Variants in XKR6 observed in about 807,000 individuals in gnomAD.
XKR6 encodes the protein XK related 6.
A neutral mutation model predicts 56.7 loss-of-function variants in XKR6; 22 were observed. The observed-to-expected ratio is 0.39, with a 90% CI of 0.28 to 0.55. The LOEUF (loss-of-function observed/expected upper bound fraction) is 0.55. Among genes scored for constraint, XKR6 ranks in the 20% least tolerant of loss-of-function variants. XKR6 has a pLI of 0.66. For missense variants in XKR6, 852 were observed against 889.0 expected (o/e 0.96, Z 0.53); for synonymous variants, 524 against 387.8 (o/e 1.35, Z -4.13).
At chr8:10,989,427 C>A (rs1323585124) in intron 1 of XKR6, among the ~76,000 whole-genome samples, 2 of 152,006 alleles carry the variant, frequency 1.3e-5, no homozygotes, top group Non-Finnish European at 2.9e-5. Flanking sequence ...CATATGAGAC[C>A]CGAGATGATT....
intron 1 of XKR6, chr8:11,123,863 G>C (rs1247144198): frequency 2.2e-6 from 1 of 456,258 alleles, no homozygotes; most frequent in Non-Finnish European, 4.4e-6. Flanking sequence ...GTCCCCACCT[G>C]GCACCTGCAC....
Position 11,201,564 on chromosome 8 carries a change from C to T in XKR6, c.-225G>A, listed in dbSNP as rs779329154. Among the ~76,000 whole-genome samples, 1 of 152,196 alleles carries T rather than the reference C, an allele frequency of 6.6e-6. No homozygotes were observed. Among genetic ancestry groups the T allele is most frequent in the African/African-American group, 2.4e-5 (1 of 41,534 alleles). On this transcript the variant is annotated 5_prime_UTR_variant, in exon 1 of 3. Transcript: ENST00000416569. ...CCCCAATCGCACGGCGCCCGCAGCTCCCCAGCCCTACCCTCCCGGCCAAGA... is the reference window on the plus strand; with the variant it reads ...CCCCAATCGCACGGCGCCCGCAGCTTCCCAGCCCTACCCTCCCGGCCAAGA...
chr8:11,003,272 C>G (rs1314345257), intron 1 of XKR6, among the ~76,000 whole-genome samples: 1 of 152,144 alleles, frequency 6.6e-6, no homozygotes, highest in Non-Finnish European at 1.5e-5. Flanking sequence ...ACATCATTGT[C>G]AACACCATCA....
intron 1 of XKR6, among the ~76,000 whole-genome samples, chr8:11,026,328 C>T (rs538316852): frequency 6.6e-6 from 1 of 151,756 alleles, no homozygotes; most frequent in Admixed American, 6.6e-5. Flanking sequence ...ATGGTCTAGC[C>T]TACTATACAC....
intron 1 of XKR6, among the ~76,000 whole-genome samples, chr8:11,146,410 G>C (rs1379459561): frequency 6.6e-6 from 1 of 152,242 alleles, no homozygotes; most frequent in African/African-American, 2.4e-5. Flanking sequence ...CGGTCTGCAT[G>C]AGGCCAGGAG....
At chr8:10,937,698 C>T (rs1249230446) in intron 1 of XKR6, among the ~76,000 whole-genome samples, 67 of 148,116 alleles carry the variant, frequency 4.5e-4, no homozygotes, top group Non-Finnish European at 9.2e-4. Context: ...GGGGTGCCTC[C>T]CAGTTAGGCT....
intron 2 of XKR6, among the ~76,000 whole-genome samples, chr8:10,914,554 A>T (rs921926973): frequency 1.3e-5 from 2 of 152,054 alleles, no homozygotes; most frequent in Non-Finnish European, 2.9e-5. Context: ...GACTCCCCCA[A>T]TGCTCCTCCT....
At chr8:11,187,077 T>G (rs576792596) in intron 1 of XKR6, among the ~76,000 whole-genome samples, 1 of 152,342 alleles carries the variant, frequency 6.6e-6, no homozygotes, top group African/African-American at 2.4e-5. Flanking sequence ...CTTTTTTTGT[T>G]TACTGTAGCT....
intron 2 of XKR6, among the ~76,000 whole-genome samples, chr8:10,917,586 C>T (rs1050457864): frequency 3.9e-5 from 6 of 152,302 alleles, no homozygotes; most frequent in African/African-American, 1.4e-4. Context: ...AAGTCTGATC[C>T]CACCTGGGGA....
Position 10,942,660 on chromosome 8 carries a change from C to G in XKR6, c.765-17830G>C, listed in dbSNP as rs58628417. On this transcript the variant is annotated intron_variant, in intron 1 of 2. Coordinates refer to ENST00000416569, the MANE Select transcript of XKR6 (RefSeq NM_173683.4). ...TGAGCAGATCCAGGTGTTCCAAATTCAGCGCCACGCTGCCCCCATTATTGA... is the reference window on the plus strand; with the variant it reads ...TGAGCAGATCCAGGTGTTCCAAATTGAGCGCCACGCTGCCCCCATTATTGA... Among the ~76,000 whole-genome samples, 317 of 152,320 alleles carry G rather than the reference C, an allele frequency of 2.1e-3. 2 individuals are homozygous for G. The highest frequency in any genetic ancestry group is 7.2e-3 in the African/African-American group (300 of 41,562).
At chr8:10,996,304 C>T (rs1434552870) in intron 1 of XKR6, among the ~76,000 whole-genome samples, 1 of 152,124 alleles carries the variant, frequency 6.6e-6, no homozygotes, top group Non-Finnish European at 1.5e-5. Flanking sequence ...GTGTCAAAAG[C>T]TCTGGCGGGC....
At chr8:11,032,209 A>C (rs1799009394) in intron 1 of XKR6, among the ~76,000 whole-genome samples, 1 of 152,242 alleles carries the variant, frequency 6.6e-6, no homozygotes, top group Non-Finnish European at 1.5e-5. Context: ...GAGCCAGATT[A>C]GGGAAGAAAG....
intron 1 of XKR6, among the ~76,000 whole-genome samples, chr8:11,025,082 G>A (rs1444543068): frequency 6.6e-6 from 1 of 152,176 alleles, no homozygotes; most frequent in African/African-American, 2.4e-5. Context: ...TTTCTACGAG[G>A]CCTTGGAGCC....
chr8:11,069,224 A>G (rs994128554), intron 1 of XKR6, among the ~76,000 whole-genome samples: 2 of 150,840 alleles, frequency 1.3e-5, no homozygotes, highest in Non-Finnish European at 3.0e-5. Flanking sequence ...CCACTCTCCA[A>G]CCTGAAAAGA....
chr8:11,037,381 A>G (rs1035760569), intron 1 of XKR6, among the ~76,000 whole-genome samples: 1 of 152,166 alleles, frequency 6.6e-6, no homozygotes, highest in African/African-American at 2.4e-5. Flanking sequence ...GCACATCACC[A>G]CGACTGGCTA....
chr8:11,012,498 T>A (rs1387655633), intron 1 of XKR6, among the ~76,000 whole-genome samples: 3 of 152,172 alleles, frequency 2.0e-5, no homozygotes, highest in African/African-American at 7.2e-5. Context: ...GCTGCTATTA[T>A]CATCACCATC....
chr8:11,172,922 C>A (rs973122484), intron 1 of XKR6, among the ~76,000 whole-genome samples: 3 of 152,140 alleles, frequency 2.0e-5, no homozygotes, highest in Non-Finnish European at 4.4e-5. Flanking sequence ...AGCGGCGACA[C>A]TGTTTCAAGT....
intron 1 of XKR6, chr8:11,138,068 T>C (rs1800497485): frequency 5.0e-6 from 1 of 199,110 alleles, no homozygotes. Context: ...AACAACATTC[T>C]TAGGGAGAAT....
rs528414606 is a variant in XKR6, at chr8:11,041,705, G to A, written c.765-116875C>T. Among the ~76,000 whole-genome samples the A allele has an allele frequency of 1.6e-4, 25 of 152,198 alleles. No individual in the cohort carries two copies. In the South Asian group the frequency reaches 2.7e-3, roughly 16 times the overall value. On this transcript the variant is annotated intron_variant, in intron 1 of 2. Coordinates refer to ENST00000416569, the MANE Select transcript of XKR6 (RefSeq NM_173683.4). Reference sequence around the variant, plus strand: ...GGACTAGAGGGAGAAGAGGAGAGGGGCCCAGGGCCCTGGGGGCTCAAAGAG... The same window carrying A: ...GGACTAGAGGGAGAAGAGGAGAGGGACCCAGGGCCCTGGGGGCTCAAAGAG...
Sources: allele counts gnomAD v4.1 joint callset (sites outside exome capture counted in the v4.1 genomes callset), GRCh38; gene constraint gnomAD v4.1.1; transcripts MANE v1.5; gene names NCBI Gene and HGNC (gene_info 2026-07-23, HGNC 2026-07-21).